SNX29: variants seen among roughly 807,000 people sequenced by gnomAD.
SNX29 encodes the protein sorting nexin-29.
A neutral mutation model predicts 102.1 loss-of-function variants in SNX29; 78 were observed. The observed-to-expected ratio is 0.76, with a 90% confidence interval of 0.64 to 0.92. SNX29 has a LOEUF of 0.92. Among genes scored for constraint, SNX29 ranks in the 40% least tolerant of loss-of-function variants. The pLI is 0.00. For missense variants in SNX29, 1,280 were observed against 1,061.7 expected (o/e 1.21, Z -2.86); for synonymous variants, 580 against 414.5 (o/e 1.40, Z -4.85).
intron 20 of SNX29, among the ~76,000 whole-genome samples, chr16:12,551,189 A>C (rs926225761): frequency 6.6e-6 from 1 of 152,056 alleles, no homozygotes; most frequent in Non-Finnish European, 1.5e-5. Context: ...ACTTCCCCAC[A>C]GAGAGCCTTT....
intron 18 of SNX29, among the ~76,000 whole-genome samples, chr16:12,438,521 T>C (rs1478816344): frequency 6.6e-6 from 1 of 152,132 alleles, no homozygotes; most frequent in East Asian, 1.9e-4. Context: ...CAGGAAAAGG[T>C]AGCAGCCTAG....
intron 13 of SNX29, among the ~76,000 whole-genome samples, chr16:12,190,738 C>G (rs1324847521): frequency 6.6e-6 from 1 of 152,104 alleles, no homozygotes; most frequent in Non-Finnish European, 1.5e-5. Flanking sequence ...CTCAGCTGCT[C>G]TGGGAGCCCT....
At chr16:12,198,677 T>C (rs1248112051) in intron 13 of SNX29, among the ~76,000 whole-genome samples, 2 of 152,188 alleles carry the variant, frequency 1.3e-5, no homozygotes, top group African/African-American at 2.4e-5. Flanking sequence ...CTTGTGGGCC[T>C]TGGGGGCAGG....
chr16:12,378,055 A>T (rs2082941335), intron 16 of SNX29, among the ~76,000 whole-genome samples: 1 of 152,230 alleles, frequency 6.6e-6, no homozygotes, highest in Non-Finnish European at 1.5e-5. Context: ...TGGCCTCTGC[A>T]AAACAAGGAA....
chr16:12,538,675 T>C (rs11075089), intron 20 of SNX29, among the ~76,000 whole-genome samples: 25,556 of 152,040 alleles, frequency 0.17, 2,304 homozygotes, highest in South Asian at 0.25. Flanking sequence ...AGATCTTTCA[T>C]CCTCCTCCCA....
intron 11 of SNX29, among the ~76,000 whole-genome samples, chr16:12,086,236 C>T (rs1171519904): frequency 6.6e-6 from 1 of 152,008 alleles, no homozygotes; most frequent in South Asian, 2.1e-4. Flanking sequence ...AATCTCCTTT[C>T]CTTGTGATCT....
chr16:12,261,165 CGG>C, intron 14 of SNX29, among the ~76,000 whole-genome samples: 1 of 143,326 alleles, frequency 7.0e-6, no homozygotes, highest in South Asian at 2.2e-4. Flanking sequence ...CACGTGTCCC[CGG>C]CTGGAGTGAG....
At chr16:12,199,861 A>T (rs2076870628) in intron 14 of SNX29, among the ~76,000 whole-genome samples, 178 bp downstream of exon 14, 1 of 152,248 alleles carries the variant, frequency 6.6e-6, no homozygotes, top group African/African-American at 2.4e-5. Context: ...TATCCCTGCA[A>T]CATGCATAAC....
At chr16:12,186,828 C>T (rs1471954855) in intron 13 of SNX29, among the ~76,000 whole-genome samples, 1 of 152,190 alleles carries the variant, frequency 6.6e-6, no homozygotes, top group Non-Finnish European at 1.5e-5. Context: ...TTGACAGGAA[C>T]TCAAGGCTTT....
chr16:11,993,176 A>AATAC (rs2055919952), intron 1 of SNX29, among the ~76,000 whole-genome samples: 1 of 151,466 alleles, frequency 6.6e-6, no homozygotes, highest in African/African-American at 2.4e-5. Context: ...TAAATAAATA[A>AATAC]ATAAATAAAT....
chr16:11,993,651 G>A (rs1441150188), intron 1 of SNX29, among the ~76,000 whole-genome samples: 3 of 152,154 alleles, frequency 2.0e-5, no homozygotes, highest in African/African-American at 7.2e-5. Context: ...TCACATGGCT[G>A]GTGGAGTAGG....
chr16:12,490,354 C>A (rs76553387), intron 19 of SNX29, among the ~76,000 whole-genome samples: 1 of 152,216 alleles, frequency 6.6e-6, no homozygotes, highest in Admixed American at 6.5e-5. Flanking sequence ...TGTGAGCTTC[C>A]TCCATGTTGT....
At chr16:12,399,427 CCT>C (rs2083850712) in intron 17 of SNX29, among the ~76,000 whole-genome samples, 2 of 152,206 alleles carry the variant, frequency 1.3e-5, no homozygotes, top group South Asian at 2.1e-4. Flanking sequence ...TAAGTTGTCT[CCT>C]CTCTCATTCA....
intron 16 of SNX29, among the ~76,000 whole-genome samples, chr16:12,359,028 G>A (rs1490402759): frequency 6.6e-6 from 1 of 152,222 alleles, no homozygotes; most frequent in African/African-American, 2.4e-5. Flanking sequence ...ACCCAAGAAG[G>A]GGGTTGTGAG....
chr16:12,285,131 G>A (rs927552706), intron 15 of SNX29, among the ~76,000 whole-genome samples: 1 of 152,192 alleles, frequency 6.6e-6, no homozygotes, highest in Non-Finnish European at 1.5e-5. Flanking sequence ...TACCAGCGGT[G>A]CTCTCACTTA....
At chr16:12,526,868 T>C (rs1055251560) in intron 20 of SNX29, 2 of 402,694 alleles carry the variant, frequency 5.0e-6, no homozygotes, top group Admixed American at 4.1e-5. Context: ...TGCACGTTAA[T>C]GCGAGCCTGT....
intron 15 of SNX29, among the ~76,000 whole-genome samples, chr16:12,304,332 G>T (rs554391403): frequency 1.2e-4 from 18 of 152,358 alleles, no homozygotes; most frequent in African/African-American, 4.3e-4. Flanking sequence ...GAGCGCAATG[G>T]CGAGATCTTG....
chr16:12,470,407 C>T (rs778612421), intron 18 of SNX29, among the ~76,000 whole-genome samples: 1 of 152,180 alleles, frequency 6.6e-6, no homozygotes, highest in Non-Finnish European at 1.5e-5. Context: ...TAACATCCAT[C>T]AAGTATCTCC....
chr16:12,368,084 A>G (rs2082551079), intron 16 of SNX29, among the ~76,000 whole-genome samples: 1 of 152,216 alleles, frequency 6.6e-6, no homozygotes, highest in Admixed American at 6.5e-5. Context: ...AGTTGGAAGT[A>G]TTAATATCAC....
Sources: gnomAD v4.1 joint callset for allele counts (sites outside exome capture counted in the v4.1 genomes callset) on GRCh38, gnomAD v4.1.1 for gene constraint, MANE v1.5 for transcripts, NCBI Gene and HGNC (gene_info 2026-07-23, HGNC 2026-07-21) for gene names.